Variants in KIF21A observed in about 807,000 individuals in gnomAD.
KIF21A encodes kinesin family member 21A.
In KIF21A, 114 loss-of-function variants were observed where a neutral mutation model predicts 202.9. That is an observed-to-expected ratio of 0.56 (90% confidence interval 0.48 to 0.66). KIF21A has a LOEUF of 0.66. Among genes scored for constraint, KIF21A ranks in the 30% least tolerant of loss-of-function variants. The pLI is 0.00. For synonymous variants in KIF21A, 667 were observed against 670.8 expected (o/e 0.99, Z 0.09); for missense variants, 1,677 against 1,994.9 (o/e 0.84, Z 3.04).
chr12:39,379,884 T>G (rs527291819), intron 1 of KIF21A, among the ~76,000 whole-genome samples: 2 of 152,332 alleles, frequency 1.3e-5, no homozygotes, highest in Admixed American at 1.3e-4. Flanking sequence ...ATTCCTAAAT[T>G]ATATTGTTTT....
chr12:39,402,976 T>C (rs960865275), intron 1 of KIF21A, among the ~76,000 whole-genome samples: 18 of 152,342 alleles, frequency 1.2e-4, no homozygotes, highest in African/African-American at 4.3e-4. Flanking sequence ...GTTGTGCTGG[T>C]TCATGAAGCA....
At chr12:39,369,705 T>C (rs1461862300) in intron 3 of KIF21A, 24 bp downstream of exon 3, 1 of 1,593,436 alleles carries the variant, frequency 6.3e-7, no homozygotes, top group Admixed American at 1.7e-5. Context: ...TTAAAAGAAA[T>C]TAATGCCAAA....
At position 39,382,638 on chromosome 12, in the gene KIF21A, A is replaced by T. The variant is rs117176305; in HGVS notation, c.45-12377T>A. Among the ~76,000 whole-genome samples the T allele has an allele frequency of 3.8e-3, 584 of 152,294 alleles. 2 individuals are homozygous for T. Among genetic ancestry groups the T allele is most frequent in the Middle Eastern group, 6.8e-3 (2 of 294 alleles). ...AGTGTATTTGAATTTGCTATACGAA[A>T]CAACTCTGATATCTTACTGTCATGC... On this transcript the variant is annotated intron_variant, in intron 1 of 37. Transcript: ENST00000361418.
At chr12:39,401,176 C>T (rs1952147681) in intron 1 of KIF21A, among the ~76,000 whole-genome samples, 1 of 152,074 alleles carries the variant, frequency 6.6e-6, no homozygotes, top group Non-Finnish European at 1.5e-5. Flanking sequence ...AAAAGAGAAT[C>T]ATAAGTGCTC....
At chr12:39,371,275 T>C (rs972777618) in intron 1 of KIF21A, among the ~76,000 whole-genome samples, 7 of 152,134 alleles carry the variant, frequency 4.6e-5, no homozygotes, top group African/African-American at 1.7e-4. Flanking sequence ...TAAAAATGAA[T>C]ATAAGTGAAA....
intron 24 of KIF21A, among the ~76,000 whole-genome samples, chr12:39,329,682 A>G (rs370263226): frequency 4.6e-5 from 7 of 152,168 alleles, no homozygotes; most frequent in East Asian, 3.9e-4. Flanking sequence ...ATGGAATGCA[A>G]AAGTGCTAGT....
chr12:39,341,169 T>C (rs1369179391), intron 14 of KIF21A, 75 bp from the exon 15 acceptor site: 4 of 1,178,540 alleles, frequency 3.4e-6, no homozygotes, highest in Non-Finnish European at 4.9e-6. Flanking sequence ...AAGCAGACCA[T>C]AAAAACCATC....
At position 39,341,638 on chromosome 12, in the gene KIF21A, T is replaced by C; in HGVS notation, c.1804-16A>G. ...GACTTTCTTCCTAAAATGTGATTTG[T>C]AAAAATTAATAGCACAATATTGGCA... On this transcript the variant is annotated splice_polypyrimidine_tract_variant and intron_variant, in intron 13 of 37. Transcript: ENST00000361418. 6.3e-7 allele frequency: 1 copy of C among 1,588,960 alleles called. No homozygotes were observed. Among genetic ancestry groups the C allele is most frequent in the African/African-American group, 1.3e-5 (1 of 74,496 alleles).
At chr12:39,357,595 T>A (rs996093614) in intron 8 of KIF21A, among the ~76,000 whole-genome samples, 158 bp from the exon 9 acceptor site, 2 of 151,956 alleles carry the variant, frequency 1.3e-5, no homozygotes, top group Non-Finnish European at 2.9e-5. Flanking sequence ...AGTAGAACAC[T>A]CCACAATGCA....
At chr12:39,355,515 G>C (rs1005134949) in intron 10 of KIF21A, among the ~76,000 whole-genome samples, 1 of 151,786 alleles carries the variant, frequency 6.6e-6, no homozygotes, top group African/African-American at 2.4e-5. Context: ...AGAGCTATCA[G>C]TTGTGTCTCA....
chr12:39,346,095 C>T (rs1044381456), intron 12 of KIF21A, among the ~76,000 whole-genome samples: 1 of 151,922 alleles, frequency 6.6e-6, no homozygotes, highest in African/African-American at 2.4e-5. Context: ...CCACTCTGCT[C>T]ACAAGTTTCT....
chr12:39,351,447 G>A (rs561388645), intron 11 of KIF21A, among the ~76,000 whole-genome samples: 2 of 152,190 alleles, frequency 1.3e-5, no homozygotes, highest in South Asian at 4.1e-4. Flanking sequence ...ACACTGAGTT[G>A]TAATGGTACA....
intron 17 of KIF21A, among the ~76,000 whole-genome samples, chr12:39,334,123 C>A (rs184064236): frequency 6.7e-6 from 1 of 149,228 alleles, no homozygotes. Flanking sequence ...ATCGCTTGAA[C>A]CCAGGAGGCA....
At chr12:39,344,864 G>C (rs117539528) in intron 12 of KIF21A, among the ~76,000 whole-genome samples, 1 of 152,182 alleles carries the variant, frequency 6.6e-6, no homozygotes, top group East Asian at 1.9e-4. Context: ...AGAAGCTTGG[G>C]AGCTGGAAGG....
intron 16 of KIF21A, among the ~76,000 whole-genome samples, chr12:39,337,834 T>C (rs1947110322): frequency 6.6e-6 from 1 of 152,174 alleles, no homozygotes; most frequent in Admixed American, 6.5e-5. Flanking sequence ...TAACATCACA[T>C]TACAAAGCAC....
At chr12:39,361,878 G>C (rs577008371) in intron 7 of KIF21A, among the ~76,000 whole-genome samples, 3 of 152,236 alleles carry the variant, frequency 2.0e-5, no homozygotes, top group South Asian at 4.1e-4. Context: ...AAATTATTTG[G>C]ATAATAGTTG....
intron 27 of KIF21A, among the ~76,000 whole-genome samples, chr12:39,321,020 G>A (rs569949290): frequency 6.2e-5 from 9 of 146,096 alleles, no homozygotes; most frequent in African/African-American, 2.3e-4. Flanking sequence ...GGGTTTGCAT[G>A]ATTCCTATTT....
chr12:39,363,108 C>T lies in KIF21A; in HGVS notation c.1009G>A (p.Gly337Arg), dbSNP rs1183333668. ...ATCATCTATGCATACCTATTACCCC[C>T]GAGGGAATCCTGTAGTAGTCTTGTT... ...KLTRLLQDSL[G>R]GNSQTIMIAC... is the part of the protein sequence containing the mutation. Residue 337 changes from glycine to arginine, a missense_variant, in exon 7 of 38, where the codon GGG (glycine) becomes AGG (arginine). Around this residue, in one of 3 missense-constraint regions of KIF21A, gnomAD observed 966 missense variants for 1,180.9 expected, o/e 0.82. Coordinates refer to ENST00000361418, the MANE Select transcript of KIF21A (RefSeq NM_001173464.2). 5.0e-6 allele frequency: 8 copies of T among 1,599,054 alleles called. No individual in the cohort carries two copies. The highest frequency in any genetic ancestry group is 1.1e-5 in the South Asian group (1 of 90,748).
intron 25 of KIF21A, 22 bp from the exon 26 acceptor site, chr12:39,325,915 A>T: frequency 6.3e-7 from 1 of 1,591,942 alleles, no homozygotes; most frequent in Non-Finnish European, 8.6e-7. Context: ...TAAATAATTA[A>T]GCACAAGATT....
Sources: gnomAD v4.1 joint callset for allele counts (sites outside exome capture counted in the v4.1 genomes callset) on GRCh38, gnomAD v4.1.1 for gene constraint, gnomAD v4.1.1 regional missense constraint, MANE v1.5 for transcripts, NCBI Gene and HGNC (gene_info 2026-07-23, HGNC 2026-07-21) for gene names.